GALNT9: variants seen among roughly 807,000 people sequenced by gnomAD.
GALNT9 encodes polypeptide N-acetylgalactosaminyltransferase 9.
Under a neutral mutation model 63.1 loss-of-function variants are expected in GALNT9, and 47 were observed. The ratio of observed to expected loss-of-function variants is 0.75; its 90% CI spans 0.59 to 0.95. The LOEUF (loss-of-function observed/expected upper bound fraction) is 0.95. Ranked by LOEUF, GALNT9 falls within the 40% of genes least tolerant of loss-of-function variation. The pLI, the probability that GALNT9 is intolerant of heterozygous loss-of-function variation, is 0.00. For synonymous variants in GALNT9, 396 were observed against 365.7 expected (o/e 1.08, Z -0.94); for missense variants, 829 against 874.8 (o/e 0.95, Z 0.66).
intron 6 of GALNT9, among the ~76,000 whole-genome samples, chr12:132,221,387 G>A (rs1193088449): frequency 7.1e-6 from 1 of 141,418 alleles, no homozygotes; most frequent in Non-Finnish European, 1.5e-5. Context: ...AGGGCTGGGT[G>A]CGATGGCTCA....
intron 6 of GALNT9, chr12:132,240,543 G>A (rs954995942): frequency 6.8e-6 from 3 of 442,616 alleles, no homozygotes; most frequent in Non-Finnish European, 1.4e-5. Context: ...GCCTGGCGTG[G>A]CCCCAGGGCT....
rs1471501498 is a variant in GALNT9 at position 132,203,448 on chromosome 12, T to TGGCATTGACCCCGACCCTGG, written c.1263+37_1263+56dup. 8.3e-6 allele frequency: 13 copies of TGGCATTGACCCCGACCCTGG among 1,564,554 alleles called. No homozygotes were observed. In the African/African-American group the frequency reaches 1.2e-4, roughly 15 times the overall value. ...GCCTCCCTCCGGCCCAGCCCTGCCG[T>TGGCATTGACCCCGACCCTGG]GGCATTGACCCCGACCCTGGGGCAT... On this transcript the variant is annotated intron_variant, in intron 7 of 10. Transcript: ENST00000328957.
At chr12:132,303,894 G>C (rs185550349) in intron 1 of GALNT9, among the ~76,000 whole-genome samples, 11 of 22,218 alleles carry the variant, frequency 5.0e-4, no homozygotes, top group Admixed American at 1.1e-3. Context: ...CAGCCTCACC[G>C]GGGCACACCC....
chr12:132,240,329 G>A (rs1031733657), intron 6 of GALNT9, among the ~76,000 whole-genome samples: 2 of 152,134 alleles, frequency 1.3e-5, no homozygotes, highest in African/African-American at 4.8e-5. Flanking sequence ...GCCTCTGGCC[G>A]GCAGACTCCA....
rs545565140 is a variant in GALNT9, at chr12:132,245,698, G to A, written c.1077+2212C>T. ...TCGCCCACCACACAGGTTCGCTGTC[G>A]TCCCGGCTTTGCTCTGAGCCTGAGC... On this transcript the variant is annotated intron_variant, in intron 6 of 10. Coordinates refer to ENST00000328957, the MANE Select transcript of GALNT9 (RefSeq NM_001122636.2). The surrounding 1 kb of genome is among the most constrained non-coding windows in gnomAD (Gnocchi z 6.3). 2.6e-5 allele frequency among the ~76,000 whole-genome samples: 4 copies of A among 152,316 alleles called. No homozygotes were observed. Among genetic ancestry groups the A allele is most frequent in the East Asian group, 1.9e-4 (1 of 5,180 alleles).
At chr12:132,302,379 G>A (rs999182311) in intron 1 of GALNT9, among the ~76,000 whole-genome samples, 6 of 152,138 alleles carry the variant, frequency 3.9e-5, no homozygotes, top group African/African-American at 1.4e-4. Flanking sequence ...CATGTATCTG[G>A]TGTCTGCCGC....
At chr12:132,297,129 C>A (rs527617846) in intron 1 of GALNT9, among the ~76,000 whole-genome samples, 1 of 150,428 alleles carries the variant, frequency 6.6e-6, no homozygotes, top group East Asian at 2.0e-4. Context: ...GTCACTCCCA[C>A]CACAACCGAC....
intron 1 of GALNT9, among the ~76,000 whole-genome samples, chr12:132,307,060 C>T (rs1178433756): frequency 6.6e-6 from 1 of 151,984 alleles, no homozygotes; most frequent in Non-Finnish European, 1.5e-5. Context: ...CGCTTCCCAG[C>T]CACCTCCTCT....
intron 1 of GALNT9, among the ~76,000 whole-genome samples, chr12:132,321,608 G>A (rs1314329784): frequency 6.6e-6 from 1 of 151,958 alleles, no homozygotes; most frequent in Non-Finnish European, 1.5e-5. Context: ...CCAACCCCAG[G>A]GCCCACTGTG....
chr12:132,279,813 G>T lies in GALNT9; in HGVS notation c.419+6437C>A, dbSNP rs147929440. The T allele has an allele frequency of 1.4e-3, 205 of 151,546 alleles. No homozygotes were observed. The highest frequency in any genetic ancestry group is 2.1e-3 in the Non-Finnish European group (143 of 67,854). The allele number at this position is 151,546 out of a possible 1,614,324, so 9.4% of individuals were successfully genotyped here. A position where few individuals can be genotyped will look rare whatever the true frequency, so the allele number is the denominator to read the frequency against. Reference sequence around the variant, plus strand: ...GTCTCCTGGATTCACCGTGGTCACTGCCTGGATGCCCAGTGTCCACTGGGT... The same window carrying T: ...GTCTCCTGGATTCACCGTGGTCACTTCCTGGATGCCCAGTGTCCACTGGGT... On this transcript the variant is annotated intron_variant, in intron 2 of 10. Transcript: ENST00000328957. This position sits in a 1 kb window ranked among gnomAD's most constrained non-coding sequence, Gnocchi z 4.1.
rs766634499 is a variant in GALNT9 at position 132,199,239 on chromosome 12, G to A, written c.1432C>T (p.Leu478=). ...TCGCCGTCCTCCGCTCCCTGGTCCA[G>A]ACAGTAGGCACTGGCTTTGCTGTTT... The part of the protein sequence containing the change: ...VRNSKASAYC[L]DQGAEDGDRA... Residue 478 remains leucine, a synonymous_variant, in exon 9 of 11, where the codon CTG becomes TTG. Coordinates refer to ENST00000328957, the MANE Select transcript of GALNT9 (RefSeq NM_001122636.2). 20 of 1,605,032 alleles carry A rather than the reference G, an allele frequency of 1.2e-5. No individual in the cohort carries two copies. The highest frequency in any genetic ancestry group is 1.6e-4 in the Middle Eastern group (1 of 6,082).
chr12:132,266,302 C>T (rs1191969752), intron 2 of GALNT9, among the ~76,000 whole-genome samples: 2 of 152,250 alleles, frequency 1.3e-5, no homozygotes, highest in Admixed American at 6.5e-5. Flanking sequence ...CTTCTCCCTC[C>T]GAGCAGCGCC....
rs2136898430 is a variant in GALNT9, at chr12:132,240,513, C to T, written c.1077+7397G>A. On this transcript the variant is annotated intron_variant, in intron 6 of 10. Coordinates refer to ENST00000328957, the MANE Select transcript of GALNT9 (RefSeq NM_001122636.2). ...GACCCCGGGCGGCACTCACTCCAGT[C>T]GCTGGCAGTGCTGCTGTGGGCCTGG... The T allele has an allele frequency of 5.5e-4, 236 of 428,334 alleles. 3 individuals carry two copies. The highest frequency in any genetic ancestry group is 3.8e-3 in the African/African-American group (183 of 48,404). The allele number at this position is 428,334 out of a possible 1,614,324, so 26.5% of individuals were successfully genotyped here. A position where few individuals can be genotyped will look rare whatever the true frequency, so the allele number is the denominator to read the frequency against.
At chr12:132,224,874 C>T (rs992913465) in intron 6 of GALNT9, among the ~76,000 whole-genome samples, 1 of 149,106 alleles carries the variant, frequency 6.7e-6, no homozygotes, top group Non-Finnish European at 1.5e-5. Flanking sequence ...GTACACACCC[C>T]ACACATACCA....
chr12:132,320,568 A>G (rs1240681245), intron 1 of GALNT9, among the ~76,000 whole-genome samples: 2 of 152,296 alleles, frequency 1.3e-5, no homozygotes, highest in African/African-American at 4.8e-5. Flanking sequence ...AGTAAACAGA[A>G]TGGAAATGGG....
intron 5 of GALNT9, among the ~76,000 whole-genome samples, chr12:132,249,987 C>T (rs782429139): frequency 7.3e-5 from 11 of 151,464 alleles, no homozygotes; most frequent in African/African-American, 1.9e-4. Flanking sequence ...TCTCAGCTTC[C>T]GGGGCCTTAG....
intron 6 of GALNT9, among the ~76,000 whole-genome samples, chr12:132,223,150 ACAACC>A (rs1356412953): frequency 6.8e-5 from 1 of 14,782 alleles, no homozygotes; most frequent in Non-Finnish European, 1.9e-4. Flanking sequence ...CACACACCAC[ACAACC>A]CACACACCAC....
intron 5 of GALNT9, among the ~76,000 whole-genome samples, chr12:132,255,695 CCCG>C (rs2135539833): frequency 6.6e-6 from 1 of 152,352 alleles, no homozygotes; most frequent in East Asian, 1.9e-4. Context: ...TTCCGGTCCT[CCCG>C]CCTTTTGGAC....
intron 6 of GALNT9, among the ~76,000 whole-genome samples, chr12:132,207,937 G>A (rs1342817844): frequency 6.6e-6 from 1 of 152,050 alleles, no homozygotes; most frequent in Non-Finnish European, 1.5e-5. Context: ...CCTCGCGCAA[G>A]CAGCACTGGT....
Sources: allele counts gnomAD v4.1 joint callset (sites outside exome capture counted in the v4.1 genomes callset), GRCh38; gene constraint gnomAD v4.1.1; non-coding constraint Gnocchi (gnomAD v3.1); transcripts MANE v1.5; gene names NCBI Gene and HGNC (gene_info 2026-07-23, HGNC 2026-07-21).